The following CCDC66 variants were observed in gnomAD, a reference collection of about 807,000 sequenced individuals.
CCDC66 encodes coiled-coil domain containing 66.
CCDC66 carries 133 observed loss-of-function variants against 128.3 expected under a neutral mutation model. The ratio of observed to expected loss-of-function variants is 1.04; its 90% CI spans 0.90 to 1.20. CCDC66 has a LOEUF of 1.20. CCDC66 is among the 50% of genes most tolerant of loss of function. The pLI, the probability that CCDC66 is intolerant of heterozygous loss-of-function variation, is 0.00. For synonymous variants in CCDC66, 387 were observed against 357.0 expected, an observed-to-expected ratio of 1.08 and a Z score of -0.95; for missense variants, 1,126 against 1,075.5, an observed-to-expected ratio of 1.05 and a Z score of -0.66.
intron 10 of CCDC66, among the ~76,000 whole-genome samples, chr3:56,609,916 C>T (rs1015569852): frequency 2.0e-5 from 3 of 152,164 alleles, no homozygotes; most frequent in Admixed American, 2.0e-4. Flanking sequence ...TCTCTTCTAG[C>T]TTGTAGGGTT....
In CCDC66 at chr3:56,596,895, C is replaced by T. The variant is rs1030733574; in HGVS notation, c.1404+2867C>T. Among the ~76,000 whole-genome samples the T allele has an allele frequency of 6.0e-5, 9 of 149,002 alleles. No individual in the cohort carries two copies. The South Asian group carries it at 6.4e-4, about 11-fold the overall frequency. ...TCAGCCTCCTGAGTAGCTGGGATTACGGGTGCATGCCACCACACCTGGCTA... is the reference window on the plus strand; with the variant it reads ...TCAGCCTCCTGAGTAGCTGGGATTATGGGTGCATGCCACCACACCTGGCTA... On this transcript the variant is annotated intron_variant, in intron 10 of 17. Coordinates refer to ENST00000394672, the MANE Select transcript of CCDC66 (RefSeq NM_001141947.3).
chr3:56,615,192 A>G lies in CCDC66; in HGVS notation c.1631A>G (p.Gln544Arg). 1 of 1,614,178 alleles carries G rather than the reference A, an allele frequency of 6.2e-7. No homozygotes were observed. The highest frequency in any genetic ancestry group is 8.5e-7 in the Non-Finnish European group (1 of 1,179,988). Residue 544 changes from glutamine (Q) to arginine (R), a missense_variant, in exon 12 of 18, where the codon CAG becomes CGG. Gln to Arg is a conservative substitution (Grantham distance 43). Transcript: ENST00000394672. The part of the protein sequence containing the change: ...QTMQRAQELA[Q>R]RLKQEQRIRE... ...ATGCAGCGAGCACAGGAACTGGCAC[A>G]GAGACTAAAACAAGAACAAAGAATC...
chr3:56,572,911 A>G (rs1485522874), intron 7 of CCDC66: 1 of 152,254 alleles, frequency 6.6e-6, no homozygotes, highest in Admixed American at 6.5e-5. Context: ...GGTAGAACTC[A>G]TTTTGGAAAA....
intron 7 of CCDC66, among the ~76,000 whole-genome samples, chr3:56,584,267 CGGGCGG>C (rs2069106437): frequency 2.1e-5 from 3 of 140,620 alleles, no homozygotes; most frequent in African/African-American, 5.4e-5. Context: ...GGGCGGCTGC[CGGGCGG>C]AGGGGCTCCT....
rs1289323586 is a variant in CCDC66 at position 56,571,169 on chromosome 3, CATT to C, written c.815-8_815-6del. The C allele has an allele frequency of 6.7e-7, 1 of 1,489,488 alleles. No homozygotes were observed. The highest frequency in any genetic ancestry group is 1.4e-5 in the African/African-American group (1 of 69,514). 92.3% of individuals were successfully genotyped at this position (1,489,488 alleles called of 1,614,324 possible). On this transcript the variant is annotated splice_polypyrimidine_tract_variant and intron_variant, in intron 6 of 17. Transcript: ENST00000394672. ...TTTTTGTACATTTTTTTAAAAAGGA[CATT>C]ATTTACAGATGAACAGGTTGCTTTA... is the stretch of plus-strand genomic sequence containing the variant.
intron 7 of CCDC66, among the ~76,000 whole-genome samples, chr3:56,582,852 A>T (rs200041518): frequency 0.024 from 2,228 of 91,180 alleles, 44 homozygotes; most frequent in East Asian, 0.078. Flanking sequence ...AACTTTCTTT[A>T]TTATTATTAT....
intron 6 of CCDC66, chr3:56,569,474 A>T (rs2066337812): frequency 5.9e-6 from 1 of 168,190 alleles, no homozygotes; most frequent in South Asian, 1.2e-4. Context: ...GAACTGACAG[A>T]GGGAGAACTC....
intron 6 of CCDC66, chr3:56,570,094 C>T: frequency 6.6e-6 from 1 of 152,230 alleles, no homozygotes. Context: ...CCTTGGCCTC[C>T]CGAAGTGCTG....
At chr3:56,576,129 TATCTC>T (rs2067327000) in intron 7 of CCDC66, among the ~76,000 whole-genome samples, 1 of 151,748 alleles carries the variant, frequency 6.6e-6, no homozygotes, top group African/African-American at 2.4e-5. Flanking sequence ...GTAATATTAA[TATCTC>T]AATAATATTA....
intron 10 of CCDC66, among the ~76,000 whole-genome samples, chr3:56,597,346 T>C (rs887007032): frequency 6.6e-6 from 1 of 152,080 alleles, no homozygotes; most frequent in Admixed American, 6.5e-5. Context: ...GCCTTCAGCT[T>C]TGTTCTTTTG....
chr3:56,611,562 A>AC (rs1375989793), intron 10 of CCDC66, among the ~76,000 whole-genome samples: 1 of 64,936 alleles, frequency 1.5e-5, no homozygotes, highest in Non-Finnish European at 3.0e-5. Flanking sequence ...ATTCATGCCC[A>AC]CCCCCCACCC....
At chr3:56,603,649 G>C (rs975631513) in intron 10 of CCDC66, among the ~76,000 whole-genome samples, 1 of 152,062 alleles carries the variant, frequency 6.6e-6, no homozygotes, top group Admixed American at 6.6e-5. Context: ...TGGTCTGAGA[G>C]ACTGTGTTTT....
At chr3:56,602,764 A>G (rs993018925) in intron 10 of CCDC66, among the ~76,000 whole-genome samples, 1 of 151,240 alleles carries the variant, frequency 6.6e-6, no homozygotes, top group African/African-American at 2.4e-5. Context: ...TTATTTGTGT[A>G]GAGGTGTTTA....
At chr3:56,589,003 G>T (rs911372898) in intron 7 of CCDC66, among the ~76,000 whole-genome samples, 2 of 152,142 alleles carry the variant, frequency 1.3e-5, no homozygotes, top group Non-Finnish European at 2.9e-5. Context: ...GGTCAAAGTG[G>T]ATATTAGTAA....
chr3:56,581,153 A>G (rs910411992), intron 7 of CCDC66, among the ~76,000 whole-genome samples: 7 of 151,702 alleles, frequency 4.6e-5, no homozygotes, highest in African/African-American at 7.3e-5. Flanking sequence ...CATTTCATTC[A>G]TTTGATCTTC....
rs1054899226 is a variant in CCDC66, at chr3:56,576,883, G to A, written c.936+5581G>A. On this transcript the variant is annotated intron_variant, in intron 7 of 17. Transcript: ENST00000394672. ...GTGAATAGTGCCGCAGTAAACATAC[G>A]TATGCATGTGTCTTCATAGCAGCAT... Among the ~76,000 whole-genome samples the A allele has an allele frequency of 3.6e-4, 54 of 151,660 alleles. 1 individual carries two copies. Among genetic ancestry groups the A allele is most frequent in the Non-Finnish European group, 5.0e-4 (34 of 67,992 alleles).
intron 7 of CCDC66, among the ~76,000 whole-genome samples, chr3:56,585,396 T>C (rs1428763067): frequency 6.6e-6 from 1 of 151,602 alleles, no homozygotes; most frequent in African/African-American, 2.4e-5. Flanking sequence ...AGGAAGAAGT[T>C]TCAAAAGAGA....
In CCDC66 at chr3:56,621,688, C is replaced by A; in HGVS notation, c.*70C>A. ...TTATAAAATGTGCTCACTGGCTCAA[C>A]TGTATTTTTCAAATAGCCTAGATTT... On this transcript the variant is annotated 3_prime_UTR_variant, in exon 18 of 18. Transcript: ENST00000394672. 9.4e-7 allele frequency: 1 copy of A among 1,065,640 alleles called. No individual in the cohort carries two copies. The allele number at this position is 1,065,640 out of a possible 1,614,324, so 66.0% of individuals were successfully genotyped here. A position where few individuals can be genotyped will look rare whatever the true frequency, so the allele number is the denominator to read the frequency against.
Position 56,619,811 on chromosome 3 carries a change from CTG to C in CCDC66, c.2674_2675del (p.Val892GlnfsTer6), listed in dbSNP as rs751329549. 12 of 1,613,766 alleles carry C rather than the reference CTG, an allele frequency of 7.4e-6. No homozygotes were observed. In the Admixed American group the frequency reaches 1.5e-4, roughly 20 times the overall value. ...GQKRQLFDSD[C>X]VRDPLLNPNM... ...AAAAACGACAGCTATTTGATTCTGA[CTG>C]TGTCAGGGATCCACTTCTTAATCCT... On this transcript the variant is annotated frameshift_variant, in exon 17 of 18. Transcript: ENST00000394672. LOFTEE classifies it high-confidence loss of function.
Sources: allele counts gnomAD v4.1 joint callset (sites outside exome capture counted in the v4.1 genomes callset), GRCh38; gene constraint gnomAD v4.1.1; transcripts MANE v1.5; gene names NCBI Gene and HGNC (gene_info 2026-07-23, HGNC 2026-07-21).